BCAP31: variants seen among roughly 807,000 people sequenced by gnomAD.
BCAP31 encodes B cell receptor associated protein 31, also known as B-cell receptor-associated protein 31.
For synonymous variants in BCAP31, 75 were observed against 80.9 expected (o/e 0.93, Z 0.39); for missense variants, 124 against 193.0 (o/e 0.64, Z 2.12).
chrX:153,713,904 T>C (rs1476284394), intron 4 of BCAP31, among the ~76,000 whole-genome samples: 1 of 100,192 alleles, frequency 1.0e-5, no homozygotes. Flanking sequence ...TTTTTTTTTT[T>C]TGAGATGTCA....
Position 153,703,025 on chromosome X carries a change from C to G in BCAP31, c.511G>C (p.Gly171Arg). The G allele has an allele frequency of 8.3e-7, 1 of 1,210,019 alleles. No homozygotes were observed. The highest frequency in any genetic ancestry group is 1.1e-6 in the Non-Finnish European group (1 of 895,317). Residue 171 changes from glycine to arginine, a missense_variant, in exon 6 of 8, where the codon GGG becomes CGG. Coordinates refer to ENST00000345046, the MANE Select transcript of BCAP31 (RefSeq NM_001256447.2). ...TCCTCCAACTTCACCTCAGCATTCC[C>G]GACATCCAACTTGCCTCCGTCAACA... ...AAVDGGKLDV[G>R]NAEVKLEEEN... is the part of the protein sequence containing the mutation.
At chrX:153,717,942 G>A (rs1557050384) in intron 3 of BCAP31, among the ~76,000 whole-genome samples, 1 of 112,198 alleles carries the variant, frequency 8.9e-6, no homozygotes. Context: ...GCAATGATTC[G>A]AAGATGCTTA....
At chrX:153,712,088 C>G (rs1181699401) in intron 4 of BCAP31, among the ~76,000 whole-genome samples, 2 of 111,004 alleles carry the variant, frequency 1.8e-5, no homozygotes, top group Non-Finnish European at 3.8e-5. Context: ...GGCTCGACAT[C>G]CACCAATGAG....
chrX:153,709,698 T>C lies in BCAP31; in HGVS notation c.342-5604A>G, dbSNP rs782369834. 7.2e-3 allele frequency among the ~76,000 whole-genome samples: 812 copies of C among 113,011 alleles called. 6 individuals carry two copies. The highest frequency in any genetic ancestry group is 0.025 in the African/African-American group (789 of 31,160). ...ACAAACTGTCATAGCTCCTAAGACC[T>C]GAAAAGCTGGGCTTCTTGGCTAAAA... On this transcript the variant is annotated intron_variant, in intron 4 of 7. Coordinates refer to ENST00000345046, the MANE Select transcript of BCAP31 (RefSeq NM_001256447.2).
intron 3 of BCAP31, among the ~76,000 whole-genome samples, chrX:153,719,795 A>G (rs1376489364): frequency 9.0e-6 from 1 of 111,319 alleles, no homozygotes; most frequent in Non-Finnish European, 1.9e-5. Flanking sequence ...GTCAGACAAG[A>G]GCTTTATTGA....
intron 3 of BCAP31, among the ~76,000 whole-genome samples, chrX:153,716,578 C>CAAAAAA (rs782072647): frequency 3.7e-5 from 1 of 27,362 alleles, no homozygotes; most frequent in African/African-American, 8.4e-5. Context: ...TCTCTCTCAA[C>CAAAAAA]AAAAAAAAAA....
At chrX:153,721,038 G>A (rs959646259) in intron 2 of BCAP31, 66 bp from the exon 3 acceptor site, 80 of 987,080 alleles carry the variant, frequency 8.1e-5, no homozygotes, top group Admixed American at 1.4e-4. Context: ...AGGGCCCTGA[G>A]CAAAATGGAA....
chrX:153,715,828 G>A (rs868951537), intron 3 of BCAP31, 139 bp from the exon 4 acceptor site: 299 of 729,855 alleles, frequency 4.1e-4, no homozygotes, highest in Non-Finnish European at 4.4e-4. Context: ...CCACTTCTAT[G>A]CACATACACC....
rs138997700 is a variant in BCAP31, at chrX:153,716,371, T to C, written c.194-682A>G. ...GTTCTGTTCATCTCAAGTTGGCCCA[T>C]AGCCCCCCAACCCCCACAATGATAA... On this transcript the variant is annotated intron_variant, in intron 3 of 7. Transcript: ENST00000345046. Among the ~76,000 whole-genome samples, 445 of 108,623 alleles carry C rather than the reference T, an allele frequency of 4.1e-3. 2 individuals carry two copies. The highest frequency in any genetic ancestry group is 6.3e-3 in the Non-Finnish European group (329 of 52,457). 94.3% of individuals were successfully genotyped at this position (108,623 alleles called of 115,157 possible). A position where few individuals can be genotyped will look rare whatever the true frequency, so the allele number is the denominator to read the frequency against.
intron 4 of BCAP31, among the ~76,000 whole-genome samples, chrX:153,705,682 G>T (rs782094327): frequency 1.2e-4 from 14 of 112,423 alleles, no homozygotes; most frequent in Non-Finnish European, 2.4e-4. Context: ...AGAAAGAAAG[G>T]CAAGTCTGAC....
intron 4 of BCAP31, among the ~76,000 whole-genome samples, chrX:153,710,772 G>A (rs1448590280): frequency 9.0e-6 from 1 of 111,565 alleles, no homozygotes; most frequent in Non-Finnish European, 1.9e-5. Flanking sequence ...GCCCAGTCCC[G>A]CTGAAAACTA....
intron 6 of BCAP31, 134 bp downstream of exon 6, chrX:153,702,801 T>C (rs1461183447): frequency 2.2e-6 from 2 of 928,958 alleles, no homozygotes; most frequent in Non-Finnish European, 2.9e-6. Context: ...AGGGTGCTAT[T>C]GGTCTGTTTT....
At chrX:153,704,898 G>C (rs2091544213) in intron 4 of BCAP31, 1 of 112,186 alleles carries the variant, frequency 8.9e-6, no homozygotes, top group South Asian at 3.8e-4. Flanking sequence ...GAAGCAGCCA[G>C]GAGAGACAGG....
chrX:153,700,694 C>T lies in BCAP31; in HGVS notation c.*243G>A, dbSNP rs1230029374. 12 of 348,059 alleles carry T rather than the reference C, an allele frequency of 3.4e-5. No homozygotes were observed. Among genetic ancestry groups the T allele is most frequent in the Admixed American group, 3.0e-4 (5 of 16,519 alleles). 28.7% of individuals were successfully genotyped at this position (348,059 alleles called of 1,213,427 possible). A position where few individuals can be genotyped will look rare whatever the true frequency, so the allele number is the denominator to read the frequency against. On this transcript the variant is annotated 3_prime_UTR_variant, in exon 8 of 8. Transcript: ENST00000345046. ...CTCAGGCGTGGAAGCCAAGGCTGTG[C>T]CAGGCCTGGCCAGGCCAAGCAGGAT...
At chrX:153,701,438 C>A (rs1569539829) in intron 7 of BCAP31, among the ~76,000 whole-genome samples, 1 of 112,874 alleles carries the variant, frequency 8.9e-6, no homozygotes, top group Non-Finnish European at 1.9e-5. Flanking sequence ...AGCACTGAGG[C>A]CAGCTGTCCA....
chrX:153,713,410 A>G (rs890034535), intron 4 of BCAP31, among the ~76,000 whole-genome samples: 1 of 112,079 alleles, frequency 8.9e-6, no homozygotes, highest in Non-Finnish European at 1.9e-5. Context: ...CCATCTATAG[A>G]AGGCTGACAG....
At chrX:153,722,573 T>C (rs1236016758) in intron 2 of BCAP31, among the ~76,000 whole-genome samples, 1 of 112,441 alleles carries the variant, frequency 8.9e-6, no homozygotes, top group Admixed American at 9.4e-5. Context: ...TAAAAATACC[T>C]GTGGAGATTT....
chrX:153,723,345 G>C (rs1480950575), intron 1 of BCAP31, 57 bp from the exon 2 acceptor site: 50 of 1,148,177 alleles, frequency 4.4e-5, no homozygotes, highest in South Asian at 4.2e-4. Flanking sequence ...AGAACATCCA[G>C]TTCAGTTACC....
intron 3 of BCAP31, among the ~76,000 whole-genome samples, chrX:153,716,196 C>T (rs982496443): frequency 7.4e-5 from 8 of 108,569 alleles, no homozygotes; most frequent in African/African-American, 2.4e-4. Flanking sequence ...CTCCCACCCT[C>T]AGACCCACTC....
Sources: allele counts gnomAD v4.1 joint callset (sites outside exome capture counted in the v4.1 genomes callset), GRCh38; gene constraint gnomAD v4.1.1; transcripts MANE v1.5; gene names NCBI Gene and HGNC (gene_info 2026-07-23, HGNC 2026-07-21).